CCNY: variants seen among roughly 807,000 people sequenced by gnomAD.
The protein encoded by CCNY is cyclin-Y.
CCNY carries 19 observed loss-of-function variants against 42.8 expected under a neutral mutation model. The observed-to-expected ratio is 0.44, with a 90% CI of 0.31 to 0.65. CCNY has a LOEUF of 0.65. Among genes scored for constraint, CCNY ranks in the 30% least tolerant of loss-of-function variants. CCNY has a pLI of 0.07. For missense variants in CCNY, 370 were observed against 437.3 expected, an observed-to-expected ratio of 0.85 and a Z score of 1.37; for synonymous variants, 165 against 162.7, an observed-to-expected ratio of 1.01 and a Z score of -0.11.
intron 7 of CCNY, among the ~76,000 whole-genome samples, chr10:35,534,974 C>T (rs12262341): frequency 2.4e-4 from 33 of 134,826 alleles, no homozygotes; most frequent in Non-Finnish European, 4.3e-4. Context: ...CACACACACA[C>T]ATATATATAT....
At chr10:35,374,239 C>T (rs533510742) in intron 1 of CCNY, among the ~76,000 whole-genome samples, 2 of 152,174 alleles carry the variant, frequency 1.3e-5, no homozygotes, top group South Asian at 2.1e-4. Context: ...TATAGTTTAG[C>T]CAGAGATGGA....
chr10:35,333,485 GAGA>G (rs1410728825), upstream of CCNY, among the ~76,000 whole-genome samples: 2 of 152,200 alleles, frequency 1.3e-5, no homozygotes, highest in East Asian at 1.9e-4. Flanking sequence ...ACAGAAAAAA[GAGA>G]AGGAGAGAAG....
chr10:35,386,787 A>G (rs902201170), intron 1 of CCNY, among the ~76,000 whole-genome samples: 7 of 151,568 alleles, frequency 4.6e-5, no homozygotes, highest in Non-Finnish European at 2.9e-5. Context: ...ATTCTTAGAT[A>G]TGTCAAGATT....
chr10:35,376,098 C>A (rs2135183727), intron 1 of CCNY, among the ~76,000 whole-genome samples: 1 of 152,284 alleles, frequency 6.6e-6, no homozygotes, highest in East Asian at 1.9e-4. Flanking sequence ...ATGATGACCT[C>A]ATACGGAAGG....
intron 1 of CCNY, among the ~76,000 whole-genome samples, chr10:35,355,811 TTC>T (rs999185289): frequency 2.6e-5 from 4 of 151,614 alleles, no homozygotes; most frequent in African/African-American, 7.3e-5. Context: ...TAAGTACTAT[TTC>T]TCTCTCTCTC....
chr10:35,526,233 C>T (rs1345885989), intron 5 of CCNY, among the ~76,000 whole-genome samples: 1 of 152,202 alleles, frequency 6.6e-6, no homozygotes, highest in Non-Finnish European at 1.5e-5. Flanking sequence ...GACAAAGCTT[C>T]TCAACGATGT....
Position 35,440,127 on chromosome 10 carries a change from G to A in CCNY, c.155-43277G>A, listed in dbSNP as rs562383437. On this transcript the variant is annotated intron_variant, in intron 1 of 9. Transcript: ENST00000374704. Reference sequence around the variant, plus strand: ...GACTGGAGCCACAGTCGTTTTTGGCGCCTGTGGAGTAGAGTGGTTATTATC... The same window carrying A: ...GACTGGAGCCACAGTCGTTTTTGGCACCTGTGGAGTAGAGTGGTTATTATC... 6.6e-5 allele frequency among the ~76,000 whole-genome samples: 10 copies of A among 152,246 alleles called. No homozygotes were observed. In the South Asian group the frequency reaches 1.0e-3, roughly 16 times the overall value.
intron 3 of CCNY, among the ~76,000 whole-genome samples, chr10:35,272,623 G>A (rs1007028815): frequency 2.0e-5 from 3 of 152,190 alleles, no homozygotes; most frequent in African/African-American, 7.2e-5. Context: ...TGGCTGCATA[G>A]TATTCCATGG....
chr10:35,413,356 T>A (rs1039841998), intron 1 of CCNY, among the ~76,000 whole-genome samples: 6 of 152,118 alleles, frequency 3.9e-5, no homozygotes, highest in African/African-American at 1.4e-4. Context: ...AAATCACCAC[T>A]GCTAGGAATA....
chr10:35,254,960 G>A (rs1013497184), intron 3 of CCNY, among the ~76,000 whole-genome samples: 2 of 151,802 alleles, frequency 1.3e-5, no homozygotes, highest in African/African-American at 2.4e-5. Flanking sequence ...GAGAGGATAC[G>A]TTGTATGATA....
At chr10:35,358,062 T>A (rs1175632670) in intron 1 of CCNY, among the ~76,000 whole-genome samples, 1 of 152,192 alleles carries the variant, frequency 6.6e-6, no homozygotes. Flanking sequence ...GACATTTGCT[T>A]TTTAGAAATC....
chr10:35,325,715 C>A (rs1451997882), intron 3 of CCNY, among the ~76,000 whole-genome samples: 5 of 152,076 alleles, frequency 3.3e-5, no homozygotes, highest in African/African-American at 1.2e-4. Flanking sequence ...GTGATCCACC[C>A]GCCTCGGCCT....
In CCNY at chr10:35,253,414, ATTTTTTTTTTTTTTTTT is replaced by A. The variant is rs61405875; in HGVS notation, c.-9+2801_-9+2817del. Among the ~76,000 whole-genome samples, 7 of 89,028 alleles carry A rather than the reference ATTTTTTTTTTTTTTTTT, an allele frequency of 7.9e-5. No individual in the cohort carries two copies. The South Asian group carries it at 2.6e-3, about 33-fold the overall frequency. 58.4% of individuals were successfully genotyped at this position (89,028 alleles called of 152,430 possible). On this transcript the variant is annotated intron_variant, in intron 3 of 11. Transcript: ENST00000374706. ...ACAGGCATGCACCAGCATGCTCACT[ATTTTTTTTTTTTTTTTT>A]TTTTTTTTTTTTGTAGAGATGGGTG... is the stretch of plus-strand genomic sequence containing the variant.
intron 1 of CCNY, among the ~76,000 whole-genome samples, chr10:35,381,873 G>T (rs1209839334): frequency 6.6e-6 from 1 of 152,160 alleles, no homozygotes; most frequent in African/African-American, 2.4e-5. Flanking sequence ...AATTACAACA[G>T]TGAAACAGAA....
At chr10:35,270,039 C>T (rs1317952029) in intron 3 of CCNY, among the ~76,000 whole-genome samples, 1 of 152,134 alleles carries the variant, frequency 6.6e-6, no homozygotes, top group African/African-American at 2.4e-5. Context: ...TTCCTCATTT[C>T]CACCTAAGAC....
At chr10:35,386,184 AT>A (rs1393409220) in intron 1 of CCNY, among the ~76,000 whole-genome samples, 4 of 152,220 alleles carry the variant, frequency 2.6e-5, no homozygotes, top group African/African-American at 9.6e-5. Flanking sequence ...TTGAGAAGTC[AT>A]ACATTACATT....
chr10:35,465,579 G>GCCC (rs1321945910), intron 1 of CCNY, among the ~76,000 whole-genome samples: 76 of 152,176 alleles, frequency 5.0e-4, no homozygotes, highest in African/African-American at 1.8e-3. Flanking sequence ...GCTTTCCAAG[G>GCCC]TGGCCTGAAT....
rs1183822678 is a variant in CCNY, at chr10:35,502,534, G to A, written c.264+999G>A. On this transcript the variant is annotated intron_variant, in intron 3 of 9. Transcript: ENST00000374704. Reference sequence around the variant, plus strand: ...GGCCCTTACACTCAAGGGACATGATGCTACGCCCTTAGGAGACTGATGACT... The same window carrying A: ...GGCCCTTACACTCAAGGGACATGATACTACGCCCTTAGGAGACTGATGACT... 6.6e-5 allele frequency among the ~76,000 whole-genome samples: 10 copies of A among 152,308 alleles called. 1 individual carries two copies. In the East Asian group the frequency reaches 1.3e-3, roughly 21 times the overall value.
chr10:35,283,497 G>A (rs1429059770), intron 3 of CCNY, among the ~76,000 whole-genome samples: 1 of 151,938 alleles, frequency 6.6e-6, no homozygotes, highest in African/African-American at 2.4e-5. Flanking sequence ...TCTGCCTCCT[G>A]GGTTCAAGTG....
Sources: gnomAD v4.1 joint callset for allele counts (sites outside exome capture counted in the v4.1 genomes callset) on GRCh38, gnomAD v4.1.1 for gene constraint, MANE v1.5 for transcripts, NCBI Gene and HGNC (gene_info 2026-07-23, HGNC 2026-07-21) for gene names.